Variants in NKAIN2 observed in about 807,000 individuals in gnomAD.
The protein encoded by NKAIN2 is sodium/potassium-transporting ATPase subunit beta-1-interacting protein 2.
In NKAIN2, 14 loss-of-function variants were observed where a neutral mutation model predicts 32.6. That is an observed-to-expected ratio of 0.43 (90% CI 0.28 to 0.67). The LOEUF (loss-of-function observed/expected upper bound fraction) is 0.67, where lower values mean the gene tolerates loss of function less well. Ranked by LOEUF, NKAIN2 falls within the 30% of genes least tolerant of loss-of-function variation. The probability of loss-of-function intolerance (pLI) is 0.17; values close to 1 mark genes in which losing one functional copy is unlikely to be tolerated. For synonymous variants in NKAIN2, 80 were observed against 87.2 expected (o/e 0.92, Z 0.46); for missense variants, 198 against 258.3 (o/e 0.77, Z 1.60).
chr6:124,682,906 A>G (rs1307769723), intron 4 of NKAIN2, among the ~76,000 whole-genome samples: 2 of 152,180 alleles, frequency 1.3e-5, no homozygotes. Context: ...TTGACATATC[A>G]AACCACGTCT....
At chr6:123,936,041 G>A (rs1342446111) in intron 1 of NKAIN2, among the ~76,000 whole-genome samples, 1 of 152,140 alleles carries the variant, frequency 6.6e-6, no homozygotes, top group Non-Finnish European at 1.5e-5. Flanking sequence ...AGTGACAACC[G>A]AATTGACAAA....
At chr6:124,573,026 G>C (rs993374628) in intron 3 of NKAIN2, among the ~76,000 whole-genome samples, 2 of 152,036 alleles carry the variant, frequency 1.3e-5, no homozygotes, top group Non-Finnish European at 2.9e-5. Flanking sequence ...TTTTAGTAGA[G>C]ATGGGGTTTC....
chr6:124,620,134 C>T (rs1226433265), intron 3 of NKAIN2, among the ~76,000 whole-genome samples: 1 of 152,044 alleles, frequency 6.6e-6, no homozygotes, highest in Admixed American at 6.6e-5. Context: ...TTCCATAGAC[C>T]CAGATGATTT....
intron 1 of NKAIN2, among the ~76,000 whole-genome samples, chr6:123,980,714 G>A (rs1030013920): frequency 6.6e-6 from 1 of 152,128 alleles, no homozygotes; most frequent in African/African-American, 2.4e-5. Flanking sequence ...CAAGTCAGAT[G>A]TGTTTAATTA....
chr6:124,723,420 GC>G (rs1224297483), intron 4 of NKAIN2, among the ~76,000 whole-genome samples: 4 of 105,912 alleles, frequency 3.8e-5, no homozygotes, highest in African/African-American at 9.9e-5. Flanking sequence ...TGCTGCACTG[GC>G]AAATATTTTT....
intron 3 of NKAIN2, among the ~76,000 whole-genome samples, chr6:124,405,827 G>A (rs1305454937): frequency 6.6e-6 from 1 of 152,072 alleles, no homozygotes; most frequent in Non-Finnish European, 1.5e-5. Flanking sequence ...GGAAATATAA[G>A]ACAAAGTAAA....
intron 3 of NKAIN2, among the ~76,000 whole-genome samples, chr6:124,434,309 A>G (rs1231286048): frequency 6.6e-6 from 1 of 152,106 alleles, no homozygotes; most frequent in African/African-American, 2.4e-5. Flanking sequence ...TACATTTCAT[A>G]TGGGTCAGGT....
At chr6:124,716,159 C>T (rs1185532828) in intron 4 of NKAIN2, among the ~76,000 whole-genome samples, 1 of 152,196 alleles carries the variant, frequency 6.6e-6, no homozygotes, top group Non-Finnish European at 1.5e-5. Context: ...AAGACCTCAT[C>T]TTGCTTTGTG....
chr6:123,916,762 A>G (rs1775515823), intron 1 of NKAIN2, among the ~76,000 whole-genome samples: 1 of 151,566 alleles, frequency 6.6e-6, no homozygotes, highest in Non-Finnish European at 1.5e-5. Flanking sequence ...ATCTCTATGT[A>G]TCTATCTTAT....
At chr6:124,811,316 TATG>T in intron 5 of NKAIN2, among the ~76,000 whole-genome samples, 1 of 152,244 alleles carries the variant, frequency 6.6e-6, no homozygotes, top group East Asian at 1.9e-4. Context: ...CAAAAGGGAG[TATG>T]TTGACTAGTG....
intron 5 of NKAIN2, among the ~76,000 whole-genome samples, chr6:124,800,096 T>A (rs2114828841): frequency 6.6e-6 from 1 of 152,280 alleles, no homozygotes; most frequent in African/African-American, 2.4e-5. Context: ...AAATGAAGTC[T>A]CTTTAAAAGC....
At chr6:123,889,795 C>T (rs948121182) in intron 1 of NKAIN2, among the ~76,000 whole-genome samples, 4 of 152,242 alleles carry the variant, frequency 2.6e-5, no homozygotes, top group Admixed American at 2.6e-4. Flanking sequence ...CATACCTTCT[C>T]ACCTTTATGT....
At chr6:124,330,240 G>A (rs1192503844) in intron 2 of NKAIN2, among the ~76,000 whole-genome samples, 1 of 152,198 alleles carries the variant, frequency 6.6e-6, no homozygotes, top group Non-Finnish European at 1.5e-5. Context: ...GTGATCTAGT[G>A]TCTCTTTTCC....
At chr6:124,057,777 G>T (rs564437231) in intron 1 of NKAIN2, among the ~76,000 whole-genome samples, 2 of 151,934 alleles carry the variant, frequency 1.3e-5, no homozygotes, top group East Asian at 3.9e-4. Context: ...AGTGTTCCAG[G>T]ACTTCATTTG....
chr6:123,864,418 T>C (rs1268470126), intron 1 of NKAIN2, among the ~76,000 whole-genome samples: 1 of 152,236 alleles, frequency 6.6e-6, no homozygotes, highest in African/African-American at 2.4e-5. Flanking sequence ...TACCAAGTAC[T>C]GTTGTCTGAG....
chr6:124,559,834 A>ATTTTCCATT (rs1780620097), intron 3 of NKAIN2, among the ~76,000 whole-genome samples: 1 of 73,762 alleles, frequency 1.4e-5, no homozygotes, highest in Non-Finnish European at 2.3e-5. Context: ...GAAATAAACC[A>ATTTTCCATT]TTTTTTTTTT....
chr6:124,235,159 G>T (rs1023573959), intron 1 of NKAIN2, among the ~76,000 whole-genome samples: 12 of 152,150 alleles, frequency 7.9e-5, no homozygotes, highest in African/African-American at 2.7e-4. Context: ...GAGGTTTACA[G>T]ATCTTGAAGG....
chr6:124,311,916 G>A (rs1245448504), intron 2 of NKAIN2, among the ~76,000 whole-genome samples: 1 of 152,070 alleles, frequency 6.6e-6, no homozygotes, highest in Non-Finnish European at 1.5e-5. Context: ...AAGCAAAAAT[G>A]TACTCTCCTT....
At chr6:124,338,798 T>C (rs1160742791) in intron 2 of NKAIN2, among the ~76,000 whole-genome samples, 1 of 152,194 alleles carries the variant, frequency 6.6e-6, no homozygotes, top group African/African-American at 2.4e-5. Flanking sequence ...TTGCATGCCA[T>C]TTAAAGATTA....
Sources: gnomAD v4.1 joint callset for allele counts (sites outside exome capture counted in the v4.1 genomes callset) on GRCh38, gnomAD v4.1.1 for gene constraint, MANE v1.5 for transcripts, NCBI Gene and HGNC (gene_info 2026-07-23, HGNC 2026-07-21) for gene names.